The following CNTNAP5 variants were observed in gnomAD, a reference collection of about 807,000 sequenced individuals.
The protein encoded by CNTNAP5 is contactin-associated protein-like 5.
CNTNAP5 carries 72 observed loss-of-function variants against 150.2 expected under a neutral mutation model. The observed-to-expected ratio is 0.48, with a 90% CI of 0.40 to 0.58. The LOEUF (loss-of-function observed/expected upper bound fraction) is 0.58. Among genes scored for constraint, CNTNAP5 ranks in the 20% least tolerant of loss-of-function variants. The probability of loss-of-function intolerance (pLI) is 0.00; values close to 1 mark genes in which losing one functional copy is unlikely to be tolerated. For missense variants in CNTNAP5, 1,636 were observed against 1,626.2 expected (o/e 1.01, Z -0.10); for synonymous variants, 672 against 619.8 (o/e 1.08, Z -1.25).
At chr2:124,064,836 A>T (rs1313677740) in intron 1 of CNTNAP5, among the ~76,000 whole-genome samples, 1 of 152,054 alleles carries the variant, frequency 6.6e-6, no homozygotes, top group East Asian at 1.9e-4. Flanking sequence ...CGGGAATGCC[A>T]TTTTCTCATG....
intron 1 of CNTNAP5, among the ~76,000 whole-genome samples, chr2:124,195,953 G>A (rs867415458): frequency 6.6e-6 from 1 of 152,048 alleles, no homozygotes; most frequent in African/African-American, 2.4e-5. Flanking sequence ...TATGAAGCGC[G>A]GGCCTCTGAT....
intron 6 of CNTNAP5, among the ~76,000 whole-genome samples, chr2:124,451,881 A>G (rs1692990065): frequency 6.6e-6 from 1 of 152,132 alleles, no homozygotes; most frequent in South Asian, 2.1e-4. Context: ...CCAAATGAGG[A>G]AAAAGGAGGA....
rs12613338 is a variant in CNTNAP5, at chr2:124,576,747, C to T, written c.1756+13424C>T. Among the ~76,000 whole-genome samples, 14 of 152,294 alleles carry T rather than the reference C, an allele frequency of 9.2e-5. No individual in the cohort carries two copies. In the South Asian group the frequency reaches 2.1e-3, roughly 23 times the overall value. ...TGGGAAATTATTCACCTTCTCAGAA[C>T]GTTAGTTCTCTCATCTCTAAATATA... On this transcript the variant is annotated intron_variant, in intron 11 of 23. Transcript: ENST00000682447.
intron 12 of CNTNAP5, among the ~76,000 whole-genome samples, chr2:124,622,387 T>C (rs937493448): frequency 6.6e-6 from 1 of 152,202 alleles, no homozygotes; most frequent in Non-Finnish European, 1.5e-5. Flanking sequence ...GCATTTAGGT[T>C]GATTCCATGT....
intron 7 of CNTNAP5, among the ~76,000 whole-genome samples, chr2:124,486,143 G>A (rs1418635079): frequency 6.6e-6 from 1 of 152,124 alleles, no homozygotes; most frequent in Non-Finnish European, 1.5e-5. Context: ...CAAAATAATG[G>A]CATGTGGAGA....
chr2:124,161,721 G>T (rs1447204390), intron 1 of CNTNAP5, among the ~76,000 whole-genome samples: 3 of 151,960 alleles, frequency 2.0e-5, no homozygotes, highest in Non-Finnish European at 4.4e-5. Context: ...AAAAAGAAAA[G>T]GACAAAAACA....
chr2:124,434,473 T>C lies in CNTNAP5; in HGVS notation c.530-11T>C. ...ACTAATTTTTCTTTCCCGCTCCTTC[T>C]TTGTTCCCAGAATCAGATGTTGCTG... On this transcript the variant is annotated splice_polypyrimidine_tract_variant and intron_variant, in intron 4 of 23. Transcript: ENST00000682447. 1 of 1,611,712 alleles carries C rather than the reference T, an allele frequency of 6.2e-7. No individual in the cohort carries two copies. Among genetic ancestry groups the C allele is most frequent in the Non-Finnish European group, 8.5e-7 (1 of 1,177,768 alleles).
chr2:124,473,270 T>C (rs1005792531), intron 6 of CNTNAP5, among the ~76,000 whole-genome samples: 1 of 104,634 alleles, frequency 9.6e-6, no homozygotes, highest in Non-Finnish European at 2.3e-5. Flanking sequence ...GAAAGAAAAA[T>C]CAAATATTTA....
At chr2:124,062,509 A>G (rs571844423) in intron 1 of CNTNAP5, among the ~76,000 whole-genome samples, 3 of 152,280 alleles carry the variant, frequency 2.0e-5, no homozygotes, top group Admixed American at 6.5e-5. Context: ...TTTGCCTTCT[A>G]TGTTACTCTC....
chr2:124,746,214 A>G (rs1680599915), intron 13 of CNTNAP5, among the ~76,000 whole-genome samples: 2 of 152,214 alleles, frequency 1.3e-5, no homozygotes, highest in Admixed American at 6.5e-5. Context: ...CACATCCTTC[A>G]GCCTAATGAT....
intron 3 of CNTNAP5, among the ~76,000 whole-genome samples, chr2:124,415,087 T>C (rs912586405): frequency 1.3e-5 from 2 of 152,132 alleles, no homozygotes; most frequent in African/African-American, 4.8e-5. Flanking sequence ...CCTTTCCAGG[T>C]GAGCAGGGAA....
intron 19 of CNTNAP5, among the ~76,000 whole-genome samples, chr2:124,852,674 G>A (rs114349668): frequency 1.1e-3 from 172 of 152,220 alleles, no homozygotes; most frequent in South Asian, 3.1e-3. Context: ...GGGAGAATGA[G>A]GAGGTGAGGC....
chr2:124,841,695 A>G (rs561848090), intron 19 of CNTNAP5, among the ~76,000 whole-genome samples: 2 of 152,218 alleles, frequency 1.3e-5, no homozygotes, highest in South Asian at 4.2e-4. Flanking sequence ...CTCCTTCTGT[A>G]GCCAGTGTCC....
intron 1 of CNTNAP5, among the ~76,000 whole-genome samples, chr2:124,090,299 T>G (rs1473626636): frequency 1.3e-5 from 2 of 152,198 alleles, no homozygotes; most frequent in Non-Finnish European, 2.9e-5. Context: ...AACCAATTAC[T>G]CTTTGGGGGA....
rs1232880646 is a variant in CNTNAP5 at position 124,764,132 on chromosome 2, C to A, written c.2518C>A (p.Arg840=). ...LENLGIKDFI[R]LEISSPSEIT... is the part of the protein sequence containing the mutation. Reference sequence around the variant, plus strand: ...AAATCTTGGCATTAAAGACTTCATTCGACTCGAAATAAGCTGTAAGTGCCC... The same window carrying A: ...AAATCTTGGCATTAAAGACTTCATTAGACTCGAAATAAGCTGTAAGTGCCC... Residue 840 remains arginine, a synonymous_variant, in exon 16 of 24, where the codon CGA becomes AGA. Transcript: ENST00000682447. The A allele has an allele frequency of 1.2e-6, 2 of 1,612,136 alleles. No homozygotes were observed. The highest frequency in any genetic ancestry group is 1.1e-5 in the South Asian group (1 of 90,982).
intron 1 of CNTNAP5, among the ~76,000 whole-genome samples, chr2:124,101,626 A>G (rs1683065143): frequency 6.6e-6 from 1 of 152,236 alleles, no homozygotes; most frequent in Non-Finnish European, 1.5e-5. Context: ...GCAAGTTCAG[A>G]TAAGGCTTTT....
At chr2:124,320,054 A>G (rs1374267223) in intron 3 of CNTNAP5, among the ~76,000 whole-genome samples, 1 of 152,242 alleles carries the variant, frequency 6.6e-6, no homozygotes. Flanking sequence ...GGTATGTTAC[A>G]GTCTTTTTAG....
At position 124,790,060 on chromosome 2, in the gene CNTNAP5, G is replaced by A. The variant is rs766832930; in HGVS notation, c.2911G>A (p.Gly971Arg). Reference sequence around the variant, plus strand: ...CAGCTACGGCAGCATCTGCCACAACGGGGGCAAGTGTGTGGAGAAGCACAA... The same window carrying A: ...CAGCTACGGCAGCATCTGCCACAACAGGGGCAAGTGTGTGGAGAAGCACAA... ...CSSYGSICHN[G>R]GKCVEKHNGY... The change falls in exon 18 of 24, where the codon GGG (glycine) becomes AGG (arginine). Residue 971 changes from glycine (G) to arginine (R), a missense_variant. By Grantham distance (125) the Gly-to-Arg change is moderately radical (BLOSUM62 -2). Transcript: ENST00000682447. 5 of 1,613,890 alleles carry A rather than the reference G, an allele frequency of 3.1e-6. No homozygotes were observed. The South Asian group carries it at 3.3e-5, about 11-fold the overall frequency.
At chr2:124,025,764 A>G in intron 1 of CNTNAP5, 32 bp downstream of exon 1, 1 of 1,538,336 alleles carries the variant, frequency 6.5e-7, no homozygotes. Context: ...CGGGAAGGTG[A>G]GGTGGAAAAC....
Sources: gnomAD v4.1 joint callset for allele counts (sites outside exome capture counted in the v4.1 genomes callset) on GRCh38, gnomAD v4.1.1 for gene constraint, MANE v1.5 for transcripts, NCBI Gene and HGNC (gene_info 2026-07-23, HGNC 2026-07-21) for gene names.